The following CAPN8 variants were observed in gnomAD, a reference collection of about 807,000 sequenced individuals.
CAPN8 encodes the protein calpain 8, also known as calpain-8.
Under a neutral mutation model 80.9 loss-of-function variants are expected in CAPN8, and 87 were observed. That is an observed-to-expected ratio of 1.07 (90% CI 0.90 to 1.28). The LOEUF is 1.28. Ranked by LOEUF, CAPN8 falls within the 50% of genes most tolerant of loss-of-function variation. The pLI is 0.00. For missense variants in CAPN8, 757 were observed against 702.0 expected, an observed-to-expected ratio of 1.08 and a Z score of -0.89; for synonymous variants, 299 against 273.8, an observed-to-expected ratio of 1.09 and a Z score of -0.91.
Position 223,665,397 on chromosome 1 carries a change from C to T in CAPN8, c.237+13G>A, listed in dbSNP as rs66700641. The T allele has an allele frequency of 3.2e-6, 5 of 1,547,626 alleles. No individual in the cohort carries two copies. The highest frequency in any genetic ancestry group is 2.4e-5 in the South Asian group (2 of 83,922). On this transcript the variant is annotated intron_variant, in intron 1 of 20. Transcript: ENST00000366872. ...ACCTTGTATGTCACTCAACAGCAAG[C>T]CCGCTTCCTTACCGTGGGCCGCTTC... is the stretch of plus-strand genomic sequence containing the variant.
intron 2 of CAPN8, among the ~76,000 whole-genome samples, chr1:223,653,093 A>C (rs1658384487): frequency 6.6e-6 from 1 of 151,582 alleles, no homozygotes; most frequent in Non-Finnish European, 1.5e-5. Context: ...CACATGCATA[A>C]TTAGGTTAAA....
Position 223,625,905 on chromosome 1 carries a change from G to A in CAPN8, c.730-17C>T. ...ACTGGAGACCTGCGTAGAGAAGAAAGTCCACTCAGTGGCTGACCCTGACCT... is the reference window on the plus strand; with the variant it reads ...ACTGGAGACCTGCGTAGAGAAGAAAATCCACTCAGTGGCTGACCCTGACCT... On this transcript the variant is annotated splice_polypyrimidine_tract_variant and intron_variant, in intron 5 of 20. Coordinates refer to ENST00000366872, the MANE Select transcript of CAPN8 (RefSeq NM_001143962.2). 6.5e-7 allele frequency: 1 copy of A among 1,546,980 alleles called. No homozygotes were observed. Among genetic ancestry groups the A allele is most frequent in the South Asian group, 1.2e-5 (1 of 83,914 alleles).
At chr1:223,658,342 A>T (rs1445579037) in intron 1 of CAPN8, among the ~76,000 whole-genome samples, 4 of 152,206 alleles carry the variant, frequency 2.6e-5, no homozygotes. Context: ...TACAAGTGAA[A>T]TATACAGAAT....
chr1:223,654,736 C>CA, intron 1 of CAPN8, among the ~76,000 whole-genome samples: 1 of 152,132 alleles, frequency 6.6e-6, no homozygotes, highest in Non-Finnish European at 1.5e-5. Flanking sequence ...AGTGCAGTGG[C>CA]ATGATCTCGG....
intron 2 of CAPN8, among the ~76,000 whole-genome samples, chr1:223,635,261 C>T (rs548617882): frequency 5.9e-4 from 90 of 152,340 alleles, no homozygotes; most frequent in African/African-American, 1.7e-3. Flanking sequence ...AGCCTCCCTT[C>T]CCCCACTTGG....
intron 2 of CAPN8, among the ~76,000 whole-genome samples, chr1:223,631,531 G>C (rs1446671835): frequency 6.6e-6 from 1 of 152,124 alleles, no homozygotes; most frequent in Non-Finnish European, 1.5e-5. Context: ...GCAGCAATGT[G>C]GATTCACTCA....
chr1:223,662,009 A>T (rs1481481910), intron 1 of CAPN8, among the ~76,000 whole-genome samples: 1 of 152,242 alleles, frequency 6.6e-6, no homozygotes, highest in Non-Finnish European at 1.5e-5. Context: ...ATTTTGACAT[A>T]TGCCACAACA....
intron 2 of CAPN8, among the ~76,000 whole-genome samples, chr1:223,645,842 C>A (rs1480245259): frequency 6.6e-6 from 1 of 152,132 alleles, no homozygotes; most frequent in Non-Finnish European, 1.5e-5. Context: ...CACAAAGAGT[C>A]CTCCTGGAGC....
At chr1:223,620,147 G>A in intron 8 of CAPN8, 45 bp downstream of exon 8, 2 of 1,495,940 alleles carry the variant, frequency 1.3e-6, no homozygotes, top group South Asian at 2.4e-5. Flanking sequence ...ACTGAAAATG[G>A]ACCCATCACC....
chr1:223,652,501 T>C (rs1257516337), intron 2 of CAPN8, among the ~76,000 whole-genome samples: 1 of 152,106 alleles, frequency 6.6e-6, no homozygotes, highest in Non-Finnish European at 1.5e-5. Context: ...CCCTTGTTCT[T>C]TGGGACTACA....
chr1:223,547,222 A>T (rs891511738), intron 16 of CAPN8, among the ~76,000 whole-genome samples: 6 of 151,926 alleles, frequency 3.9e-5, no homozygotes, highest in African/African-American at 1.2e-4. Context: ...AATTTTTAAA[A>T]TTTTTTTTCT....
intron 2 of CAPN8, among the ~76,000 whole-genome samples, chr1:223,645,736 G>C (rs1658173723): frequency 6.6e-6 from 1 of 152,182 alleles, no homozygotes; most frequent in Non-Finnish European, 1.5e-5. Context: ...CCAAGGTTGA[G>C]CAAGAATGCA....
chr1:223,623,997 T>TTA (rs1657483112), intron 6 of CAPN8, among the ~76,000 whole-genome samples: 1 of 86,152 alleles, frequency 1.2e-5, no homozygotes, highest in Non-Finnish European at 2.2e-5. Flanking sequence ...AGACTCCACC[T>TTA]GAAAAAAAAA....
chr1:223,657,823 G>C (rs564886921), intron 1 of CAPN8, among the ~76,000 whole-genome samples: 3 of 152,074 alleles, frequency 2.0e-5, no homozygotes, highest in Non-Finnish European at 4.4e-5. Flanking sequence ...TCATCCATCG[G>C]TCTACTGAAA....
chr1:223,636,807 TAG>T (rs1229858353), intron 2 of CAPN8, among the ~76,000 whole-genome samples: 83 of 140,976 alleles, frequency 5.9e-4, no homozygotes, highest in African/African-American at 1.9e-3. Context: ...AGTCGATCAC[TAG>T]TAAAGCTAAA....
chr1:223,616,315 C>G (rs534487834), intron 9 of CAPN8, among the ~76,000 whole-genome samples, 170 bp from the exon 10 acceptor site: 311 of 152,370 alleles, frequency 2.0e-3, no homozygotes, highest in African/African-American at 7.0e-3. Context: ...TCAGGCATTT[C>G]CTCCTACCTT....
intron 2 of CAPN8, among the ~76,000 whole-genome samples, chr1:223,651,298 T>C (rs1274452526): frequency 6.6e-6 from 1 of 152,244 alleles, no homozygotes; most frequent in Admixed American, 6.5e-5. Flanking sequence ...GATTTACTCA[T>C]TTAATTACTT....
At chr1:223,626,763 T>A (rs1444281259) in intron 5 of CAPN8, among the ~76,000 whole-genome samples, 1 of 152,074 alleles carries the variant, frequency 6.6e-6, no homozygotes, top group East Asian at 1.9e-4. Flanking sequence ...GAGAGGGAAA[T>A]TGGGGCTCCT....
At chr1:223,549,230 C>A in intron 16 of CAPN8, 88 bp downstream of exon 16, 2 of 1,503,848 alleles carry the variant, frequency 1.3e-6, no homozygotes, top group Non-Finnish European at 1.8e-6. Flanking sequence ...TTTTACCCGT[C>A]CCTTCCTTCT....
Sources: allele counts gnomAD v4.1 joint callset (sites outside exome capture counted in the v4.1 genomes callset), GRCh38; gene constraint gnomAD v4.1.1; transcripts MANE v1.5; gene names NCBI Gene and HGNC (gene_info 2026-07-23, HGNC 2026-07-21).